ADGRG2: variants seen among roughly 807,000 people sequenced by gnomAD.
The protein encoded by ADGRG2 is G protein-coupled receptor 64.
ADGRG2 carries 26 observed loss-of-function variants against 74.1 expected under a neutral mutation model. The observed-to-expected ratio is 0.35, with a 90% CI of 0.26 to 0.49. The LOEUF (loss-of-function observed/expected upper bound fraction) is 0.49, where lower values mean the gene tolerates loss of function less well. ADGRG2 is among the 20% of genes least tolerant of loss of function. The pLI, the probability that ADGRG2 is intolerant of heterozygous loss-of-function variation, is 0.99. For synonymous variants in ADGRG2, 296 were observed against 295.2 expected (o/e 1.00, Z -0.03); for missense variants, 619 against 763.1 (o/e 0.81, Z 2.22).
At chrX:19,085,864 G>A (rs967496686) in intron 1 of ADGRG2, among the ~76,000 whole-genome samples, 11 of 111,231 alleles carry the variant, frequency 9.9e-5, no homozygotes, top group East Asian at 5.7e-4. Flanking sequence ...GGAATGGGAC[G>A]GAAAGCCATC....
intron 1 of ADGRG2, among the ~76,000 whole-genome samples, chrX:19,085,264 A>G (rs913534317): frequency 1.8e-5 from 2 of 112,114 alleles, no homozygotes; most frequent in African/African-American, 6.5e-5. Flanking sequence ...GGCAAGAGAA[A>G]AAACCAAGTT....
chrX:19,058,432 G>A (rs1423191697), intron 3 of ADGRG2, among the ~76,000 whole-genome samples: 1 of 110,717 alleles, frequency 9.0e-6, no homozygotes, highest in Non-Finnish European at 1.9e-5. Flanking sequence ...TTTCAAGTTA[G>A]GAGCAAGGCA....
intron 2 of ADGRG2, among the ~76,000 whole-genome samples, chrX:19,075,214 G>A (rs1411411732): frequency 1.9e-5 from 2 of 107,487 alleles, no homozygotes; most frequent in African/African-American, 6.8e-5. Context: ...GAAATAAAAA[G>A]AGATCTACAC....
chrX:19,056,220 T>G lies in ADGRG2; in HGVS notation c.118+12497A>C, dbSNP rs762033880. Among the ~76,000 whole-genome samples, 96 of 111,741 alleles carry G rather than the reference T, an allele frequency of 8.6e-4. 1 individual carries two copies. Among genetic ancestry groups the G allele is most frequent in the Non-Finnish European group, 1.6e-3 (86 of 53,171 alleles). ...CAGCCAGTCTCTGCCACATCAGATT[T>G]AATTTGAGCGCTGTGAAGTAATTAA... is the stretch of plus-strand genomic sequence containing the variant. On this transcript the variant is annotated intron_variant, in intron 3 of 28. Transcript: ENST00000379869.
chrX:19,095,565 C>A (rs2062082508), intron 1 of ADGRG2, among the ~76,000 whole-genome samples: 1 of 112,181 alleles, frequency 8.9e-6, no homozygotes, highest in Non-Finnish European at 1.9e-5. Context: ...ATCAGCATAT[C>A]AAATGCCAAA....
At chrX:19,013,076 G>C (rs1305934605) in intron 16 of ADGRG2, among the ~76,000 whole-genome samples, 1 of 110,954 alleles carries the variant, frequency 9.0e-6, no homozygotes, top group Non-Finnish European at 1.9e-5. Flanking sequence ...CACTGTCTGC[G>C]AGGGCCCGTG....
At position 19,090,115 on chromosome X, in the gene ADGRG2, C is replaced by T. The variant is rs770392841; in HGVS notation, c.-46-7369G>A. Among the ~76,000 whole-genome samples the T allele has an allele frequency of 3.6e-5, 4 of 111,372 alleles. No individual in the cohort carries two copies. In the South Asian group the frequency reaches 1.5e-3, roughly 42 times the overall value. On this transcript the variant is annotated intron_variant, in intron 1 of 28. Transcript: ENST00000379869. ...GCCTGGGCTGATTCTAATTCAAAGC[C>T]TGCCTCATTTTCTTTTATACACTCC...
chrX:19,050,296 T>C (rs757701705), intron 3 of ADGRG2, among the ~76,000 whole-genome samples: 14 of 111,541 alleles, frequency 1.3e-4, no homozygotes, highest in South Asian at 3.8e-4. Flanking sequence ...TCCCCAACAG[T>C]TGACATTTGC....
chrX:19,015,485 C>G (rs1249614402), intron 15 of ADGRG2, among the ~76,000 whole-genome samples: 1 of 112,497 alleles, frequency 8.9e-6, no homozygotes, highest in African/African-American at 3.2e-5. Context: ...TTTGGGAGAC[C>G]GAAGCAGTGG....
chrX:19,004,161 G>T (rs887797257), intron 23 of ADGRG2, among the ~76,000 whole-genome samples: 1 of 111,865 alleles, frequency 8.9e-6, no homozygotes, highest in African/African-American at 3.2e-5. Context: ...CAATAAAAAT[G>T]CCCATGTCCT....
At position 19,040,170 on chromosome X, in the gene ADGRG2, T is replaced by A. The variant is rs1327183872; in HGVS notation, c.154+19A>T. Reference sequence around the variant, plus strand: ...AATATTTTCCTGAAATTCCCCAGAGTTCTAAAAAAACAACTTACCAGGTGG... The same window carrying A: ...AATATTTTCCTGAAATTCCCCAGAGATCTAAAAAAACAACTTACCAGGTGG... On this transcript the variant is annotated intron_variant, in intron 4 of 28. Transcript: ENST00000379869. 1.8e-5 allele frequency: 19 copies of A among 1,081,479 alleles called. No individual in the cohort carries two copies. Among genetic ancestry groups the A allele is most frequent in the Middle Eastern group, 2.5e-4 (1 of 4,040 alleles). The allele number at this position is 1,081,479 out of a possible 1,213,427, so 89.1% of individuals were successfully genotyped here.
chrX:19,119,889 C>G (rs1375214021), intron 1 of ADGRG2, among the ~76,000 whole-genome samples: 1 of 112,101 alleles, frequency 8.9e-6, no homozygotes, highest in Non-Finnish European at 1.9e-5. Flanking sequence ...CTGACTTTTT[C>G]TCCCTCTGCT....
At chrX:19,052,479 CT>C (rs1009873651) in intron 3 of ADGRG2, among the ~76,000 whole-genome samples, 1 of 110,314 alleles carries the variant, frequency 9.1e-6, no homozygotes, top group African/African-American at 3.3e-5. Flanking sequence ...GAAATGTGGG[CT>C]TTATCTTGTG....
chrX:19,022,513 T>C (rs933798012), intron 13 of ADGRG2, among the ~76,000 whole-genome samples: 2 of 111,239 alleles, frequency 1.8e-5, no homozygotes, highest in Non-Finnish European at 3.8e-5. Flanking sequence ...GGACTTTGAC[T>C]GTCACAGAAG....
At chrX:19,110,702 C>CAAAAAAAAAAAAAAAAAAAAAAAA (rs2062396593) in intron 1 of ADGRG2, among the ~76,000 whole-genome samples, 1 of 81,425 alleles carries the variant, frequency 1.2e-5, no homozygotes. Flanking sequence ...AAACAAAAAA[C>CAAAAAAAAAAAAAAAAAAAAAAAA]AAACAAAAAA....
In ADGRG2 at chrX:19,007,380, G is replaced by A. The variant is rs376976850; in HGVS notation, c.1567-23C>T. On this transcript the variant is annotated intron_variant, in intron 19 of 28. Coordinates refer to ENST00000379869, the MANE Select transcript of ADGRG2 (RefSeq NM_001079858.3). ...ATCCTGGCACATCAAGATGGCAAGG[G>A]TAAATGAGATATTGTCAGAGTTTTA... The A allele has an allele frequency of 1.3e-5, 15 of 1,191,821 alleles. 1 individual carries two copies. The highest frequency in any genetic ancestry group is 1.1e-4 in the South Asian group (6 of 56,168).
At chrX:19,072,408 G>GTTTTCACCT (rs1415088097) in intron 2 of ADGRG2, among the ~76,000 whole-genome samples, 2 of 111,526 alleles carry the variant, frequency 1.8e-5, no homozygotes, top group African/African-American at 6.5e-5. Context: ...AGTCCATCAG[G>GTTTTCACCT]TGAAAGACAT....
chrX:19,080,004 G>A lies in ADGRG2; in HGVS notation c.-2+2698C>T, dbSNP rs749199248. 7.5e-5 allele frequency among the ~76,000 whole-genome samples: 8 copies of A among 106,440 alleles called. No individual in the cohort carries two copies. The East Asian group carries it at 2.5e-3, about 33-fold the overall frequency. The allele number at this position is 106,440 out of a possible 115,157, so 92.4% of individuals were successfully genotyped here. A position where few individuals can be genotyped will look rare whatever the true frequency, so the allele number is the denominator to read the frequency against. On this transcript the variant is annotated intron_variant, in intron 2 of 28. Coordinates refer to ENST00000379869, the MANE Select transcript of ADGRG2 (RefSeq NM_001079858.3). Reference sequence around the variant, plus strand: ...CGGCTCACCGCAACCTCCACCTCCCGGTTCAAGCAATTCTTCTGCCTCAGC... The same window carrying A: ...CGGCTCACCGCAACCTCCACCTCCCAGTTCAAGCAATTCTTCTGCCTCAGC...
At chrX:19,013,558 A>G in intron 16 of ADGRG2, 128 bp downstream of exon 16, 4 of 554,890 alleles carry the variant, frequency 7.2e-6, no homozygotes, top group Non-Finnish European at 1.1e-5. Flanking sequence ...CATGTAAGTC[A>G]TTAGAACGTT....
Sources: allele counts gnomAD v4.1 joint callset (sites outside exome capture counted in the v4.1 genomes callset), GRCh38; gene constraint gnomAD v4.1.1; transcripts MANE v1.5; gene names NCBI Gene and HGNC (gene_info 2026-07-23, HGNC 2026-07-21).